The following COL4A5 variants were observed in gnomAD, a reference collection of about 807,000 sequenced individuals.
COL4A5 encodes the protein collagen alpha-5(IV) chain.
A neutral mutation model predicts 130.2 loss-of-function variants in COL4A5; 26 were observed. That is an observed-to-expected ratio of 0.20 (90% CI 0.15 to 0.28). The LOEUF (loss-of-function observed/expected upper bound fraction) is 0.28, where lower values mean the gene tolerates loss of function less well. Ranked by LOEUF, COL4A5 falls within the 10% of genes least tolerant of loss-of-function variation. The probability of loss-of-function intolerance (pLI) is 1.00; values close to 1 mark genes in which losing one functional copy is unlikely to be tolerated. For synonymous variants in COL4A5, 496 were observed against 439.6 expected (o/e 1.13, Z -1.60); for missense variants, 1,131 against 1,344.3 (o/e 0.84, Z 2.48).
intron 36 of COL4A5, among the ~76,000 whole-genome samples, chrX:108,631,662 T>A (rs2067263110): frequency 9.0e-6 from 1 of 111,296 alleles, no homozygotes; most frequent in Non-Finnish European, 1.9e-5. Flanking sequence ...AAATTAGAAT[T>A]TAGGATTAAG....
At chrX:108,689,697 C>T in intron 49 of COL4A5, 2 of 754,074 alleles carry the variant, frequency 2.7e-6, no homozygotes, top group Non-Finnish European at 3.1e-6. Context: ...AAACAATTAC[C>T]TCCTGATCGA....
intron 17 of COL4A5, among the ~76,000 whole-genome samples, chrX:108,584,268 A>G (rs1421826901): frequency 9.0e-6 from 1 of 110,649 alleles, no homozygotes; most frequent in Non-Finnish European, 1.9e-5. Context: ...CAGAGAAGTT[A>G]ATTAACTTGG....
chrX:108,469,292 C>A (rs185529203), intron 1 of COL4A5, among the ~76,000 whole-genome samples: 1 of 107,042 alleles, frequency 9.3e-6, no homozygotes, highest in Non-Finnish European at 1.9e-5. Flanking sequence ...GCACCTGTCA[C>A]TGTGCCTGGC....
Position 108,603,073 on chromosome X carries a change from T to G in COL4A5, c.2244+12T>G, listed in dbSNP as rs906262841. 4.8e-6 allele frequency: 5 copies of G among 1,049,753 alleles called. No homozygotes were observed. The highest frequency in any genetic ancestry group is 6.6e-6 in the Non-Finnish European group (5 of 760,195). 86.5% of individuals were successfully genotyped at this position (1,049,753 alleles called of 1,213,427 possible). A position where few individuals can be genotyped will look rare whatever the true frequency, so the allele number is the denominator to read the frequency against. On this transcript the variant is annotated intron_variant, in intron 28 of 52. Coordinates refer to ENST00000328300, the MANE Select transcript of COL4A5 (RefSeq NM_033380.3). ...TTCCAGGACCAAAGGTCTGGGACATTTTTCTTTATTCCTTCTCATTTTCTT... is the reference window on the plus strand; with the variant it reads ...TTCCAGGACCAAAGGTCTGGGACATGTTTCTTTATTCCTTCTCATTTTCTT...
At chrX:108,465,901 G>C (rs2064701374) in intron 1 of COL4A5, among the ~76,000 whole-genome samples, 1 of 110,814 alleles carries the variant, frequency 9.0e-6, no homozygotes, top group Non-Finnish European at 1.9e-5. Flanking sequence ...CTTCTACCTA[G>C]TACTAAAAAT....
In COL4A5 at chrX:108,597,379, CATTCCAGGA is replaced by C. The variant is rs768382989; in HGVS notation, c.1591_1599del (p.Ile531_Gly533del). ...CTTTTTTTCCTTACTCATTTCAGGG[CATTCCAGGA>C]GCTCCAGGTGCTCCAGGCTTTCCTG... is the stretch of plus-strand genomic sequence containing the variant. On this transcript the variant is annotated inframe_deletion, in exon 24 of 53. Transcript: ENST00000328300. The C allele has an allele frequency of 8.3e-7, 1 of 1,207,467 alleles. No homozygotes were observed. The highest frequency in any genetic ancestry group is 3.0e-5 in the East Asian group (1 of 33,785).
At chrX:108,567,544 T>A (rs1569488250) in intron 4 of COL4A5, among the ~76,000 whole-genome samples, 1 of 111,507 alleles carries the variant, frequency 9.0e-6, no homozygotes, top group Non-Finnish European at 1.9e-5. Flanking sequence ...CTATTGGTGG[T>A]CATTTGAGTT....
Position 108,450,496 on chromosome X carries a change from C to G in COL4A5, c.81+10290C>G, listed in dbSNP as rs73253686. ...GAAAATGAGTAGAATTAGCCTACCACTTCAGGGAAAACTACTGGCAGTATT... is the reference window on the plus strand; with the variant it reads ...GAAAATGAGTAGAATTAGCCTACCAGTTCAGGGAAAACTACTGGCAGTATT... On this transcript the variant is annotated intron_variant, in intron 1 of 52. Transcript: ENST00000328300. Among the ~76,000 whole-genome samples, 520 of 112,212 alleles carry G rather than the reference C, an allele frequency of 4.6e-3. 2 individuals carry two copies. Among genetic ancestry groups the G allele is most frequent in the South Asian group, 0.015 (41 of 2,688 alleles).
intron 36 of COL4A5, among the ~76,000 whole-genome samples, chrX:108,647,095 T>A (rs1423238221): frequency 1.8e-5 from 2 of 110,707 alleles, no homozygotes; most frequent in Non-Finnish European, 3.8e-5. Context: ...AACTTTAAAG[T>A]AGTTTTTTCC....
chrX:108,628,531 G>C (rs1419392289), intron 36 of COL4A5, among the ~76,000 whole-genome samples: 1 of 111,426 alleles, frequency 9.0e-6, no homozygotes, highest in Non-Finnish European at 1.9e-5. Flanking sequence ...TGGGGTTTCA[G>C]ATGTTTTTAA....
At chrX:108,556,902 C>T (rs927076912) in intron 2 of COL4A5, among the ~76,000 whole-genome samples, 1 of 111,263 alleles carries the variant, frequency 9.0e-6, no homozygotes, top group South Asian at 3.8e-4. Flanking sequence ...ATATTGCTCA[C>T]TCTGCTAGAT....
chrX:108,630,299 CCA>C (rs2067230644), intron 36 of COL4A5, among the ~76,000 whole-genome samples: 1 of 111,882 alleles, frequency 8.9e-6, no homozygotes, highest in African/African-American at 3.2e-5. Context: ...TCCTATTTAT[CCA>C]CATCCTCTCC....
chrX:108,678,279 T>C (rs768206263), intron 44 of COL4A5, among the ~76,000 whole-genome samples: 4 of 111,654 alleles, frequency 3.6e-5, no homozygotes, highest in African/African-American at 1.3e-4. Flanking sequence ...GAAGACTGCT[T>C]TATGGCAGAA....
intron 1 of COL4A5, among the ~76,000 whole-genome samples, chrX:108,527,287 G>A (rs1168237702): frequency 9.1e-6 from 1 of 110,419 alleles, no homozygotes; most frequent in African/African-American, 3.3e-5. Context: ...AATTACTTTG[G>A]GATTAATACT....
At position 108,625,690 on chromosome X, in the gene COL4A5, A is replaced by C. The variant is rs1242059798; in HGVS notation, c.3017-15A>C. The C allele has an allele frequency of 8.9e-7, 1 of 1,122,728 alleles. No individual in the cohort carries two copies. The highest frequency in any genetic ancestry group is 1.8e-5 in the South Asian group (1 of 54,649). 92.5% of individuals were successfully genotyped at this position (1,122,728 alleles called of 1,213,427 possible). A position where few individuals can be genotyped will look rare whatever the true frequency, so the allele number is the denominator to read the frequency against. Reference sequence around the variant, plus strand: ...TTGCTACATTGTCTTAATTTTACCAATTTGACCTTTCTAGGTCCCAAAGGT... The same window carrying C: ...TTGCTACATTGTCTTAATTTTACCACTTTGACCTTTCTAGGTCCCAAAGGT... On this transcript the variant is annotated splice_polypyrimidine_tract_variant and intron_variant, in intron 34 of 52. Transcript: ENST00000328300.
intron 8 of COL4A5, among the ~76,000 whole-genome samples, chrX:108,573,103 A>G (rs2066091347): frequency 9.3e-6 from 1 of 107,716 alleles, no homozygotes. Flanking sequence ...TGACTACCCA[A>G]GCTAATTTTC....
rs1569504091 is a variant in COL4A5 at position 108,655,444 on chromosome X, T to A, written c.3360T>A (p.Leu1120=). Reference sequence around the variant, plus strand: ...CTGGAGCAAAAGGACAACCAGGCCTTCCTGGATTCCCAGGTAAAATTTCTT... The same window carrying A: ...CTGGAGCAAAAGGACAACCAGGCCTACCTGGATTCCCAGGTAAAATTTCTT... The part of the protein sequence containing the change: ...GTPGAKGQPG[L]PGFPGTPGPP... The change falls in exon 37 of 53, where the codon CTT becomes CTA. Residue 1120 remains leucine (L), a synonymous_variant. Transcript: ENST00000328300. The A allele has an allele frequency of 1.7e-6, 2 of 1,211,359 alleles. No homozygotes were observed. The highest frequency in any genetic ancestry group is 2.2e-6 in the Non-Finnish European group (2 of 895,402).
At chrX:108,689,472 T>C in intron 49 of COL4A5, 1 of 752,347 alleles carries the variant, frequency 1.3e-6, no homozygotes, top group South Asian at 6.8e-5. Context: ...AATCCATGTA[T>C]TTTCTCTAAT....
intron 1 of COL4A5, among the ~76,000 whole-genome samples, chrX:108,525,203 A>G (rs749489434): frequency 5.0e-4 from 56 of 111,970 alleles, no homozygotes; most frequent in Non-Finnish European, 8.5e-4. Context: ...TATAATTGAC[A>G]TGGCATCCTG....
Sources: gnomAD v4.1 joint callset for allele counts (sites outside exome capture counted in the v4.1 genomes callset) on GRCh38, gnomAD v4.1.1 for gene constraint, MANE v1.5 for transcripts, NCBI Gene and HGNC (gene_info 2026-07-23, HGNC 2026-07-21) for gene names.